Variants in ACOT7 observed in about 807,000 individuals in gnomAD.
ACOT7 encodes cytosolic acyl coenzyme A thioester hydrolase.
In ACOT7, 12 loss-of-function variants were observed where a neutral mutation model predicts 40.2. That is an observed-to-expected ratio of 0.30 (90% CI 0.19 to 0.48). The LOEUF (loss-of-function observed/expected upper bound fraction) is 0.48. Ranked by LOEUF, ACOT7 falls within the 20% of genes least tolerant of loss-of-function variation. The pLI, the probability that ACOT7 is intolerant of heterozygous loss-of-function variation, is 0.99. For missense variants in ACOT7, 395 were observed against 530.8 expected, an observed-to-expected ratio of 0.74 and a Z score of 2.51; for synonymous variants, 228 against 219.5, an observed-to-expected ratio of 1.04 and a Z score of -0.34.
intron 1 of ACOT7, among the ~76,000 whole-genome samples, chr1:6,356,120 C>G (rs1371228110): frequency 6.6e-6 from 1 of 152,306 alleles, no homozygotes; most frequent in South Asian, 2.1e-4. Flanking sequence ...TTAGGAAGGG[C>G]CCTAACCCAA....
At chr1:6,281,073 G>T in intron 8 of ACOT7, 29 bp downstream of exon 8, 1 of 1,604,052 alleles carries the variant, frequency 6.2e-7, no homozygotes, top group South Asian at 1.1e-5. Context: ...TGGCAGGGAG[G>T]GGCCGCCGTT....
At chr1:6,377,842 G>A (rs114754020) in intron 1 of ACOT7, among the ~76,000 whole-genome samples, 1,716 of 152,262 alleles carry the variant, frequency 0.011, 33 homozygotes, top group African/African-American at 0.039. Context: ...AAGCCTAGGC[G>A]GACGGATCAC....
chr1:6,363,282 C>T (rs2148467905), intron 1 of ACOT7, among the ~76,000 whole-genome samples: 1 of 152,310 alleles, frequency 6.6e-6, no homozygotes, highest in South Asian at 2.1e-4. Context: ...CGCCCGTTGC[C>T]AGGCAGACCG....
At chr1:6,387,692 G>A (rs949236095) in intron 1 of ACOT7, among the ~76,000 whole-genome samples, 19 of 152,206 alleles carry the variant, frequency 1.2e-4, no homozygotes, top group South Asian at 2.1e-4. Context: ...CAGAACTGGG[G>A]AGCCAGCTAG....
intron 6 of ACOT7, among the ~76,000 whole-genome samples, chr1:6,317,856 C>T (rs1356027068): frequency 6.6e-6 from 1 of 151,602 alleles, no homozygotes; most frequent in Non-Finnish European, 1.5e-5. Context: ...CTCAGCCTCC[C>T]GAGTAGCTGG....
At chr1:6,313,638 T>C (rs761111) in intron 6 of ACOT7, among the ~76,000 whole-genome samples, 51,567 of 152,030 alleles carry the variant, frequency 0.34, 12,956 homozygotes, top group African/African-American at 0.72. Context: ...GCTGCAATTT[T>C]CAATATGCCC....
rs367587452 is a variant in ACOT7 at position 6,339,560 on chromosome 1, G to A, written c.291C>T (p.Val97=). The change falls in exon 3 of 9, where the codon GTC becomes GTT. Residue 97 remains valine, a synonymous_variant. Coordinates refer to ENST00000361521, the MANE Select transcript of ACOT7 (RefSeq NM_007274.4). ...GERCVAALAR[V]ERTDFLSPMC... Reference sequence around the variant, plus strand: ...TGGGAGACAGGAAGTCGGTGCGCTCGACACGAGCCAGGGCGGCCACACAGC... The same window carrying A: ...TGGGAGACAGGAAGTCGGTGCGCTCAACACGAGCCAGGGCGGCCACACAGC... 7.9e-5 allele frequency: 127 copies of A among 1,613,324 alleles called. No individual in the cohort carries two copies. The highest frequency in any genetic ancestry group is 1.0e-4 in the Non-Finnish European group (121 of 1,180,006).
chr1:6,278,872 C>G lies in ACOT7; in HGVS notation c.1014+2230G>C, dbSNP rs1038270322. 6.6e-6 allele frequency among the ~76,000 whole-genome samples: 1 copy of G among 152,168 alleles called. No individual in the cohort carries two copies. The highest frequency in any genetic ancestry group is 1.5e-5 in the Non-Finnish European group (1 of 68,028). On this transcript the variant is annotated intron_variant, in intron 8 of 8. Transcript: ENST00000361521. The surrounding 1 kb of genome is among the most constrained non-coding windows in gnomAD (Gnocchi z 4.1). ...CTACAGACAGGGAGCGGACAGCAGA[C>G]AGGGCGTGTCCTTGCGTCTGTCCAT... is the stretch of plus-strand genomic sequence containing the variant.
At position 6,360,673 on chromosome 1, in the gene ACOT7, C is replaced by T. The variant is rs370552576; in HGVS notation, c.144-10807G>A. On this transcript the variant is annotated intron_variant, in intron 1 of 8. Coordinates refer to ENST00000361521, the MANE Select transcript of ACOT7 (RefSeq NM_007274.4). ...AGCATCGTCTCCCCACGTCTCCTGT[C>T]GGCTCCCTCCAGAAGCTGCAGCCAA... is the stretch of plus-strand genomic sequence containing the variant. 25 of 1,614,052 alleles carry T rather than the reference C, an allele frequency of 1.5e-5. No homozygotes were observed. In the African/African-American group the frequency reaches 2.1e-4, roughly 14 times the overall value.
In ACOT7 at chr1:6,306,411, T is replaced by G; in HGVS notation, c.713-11431A>C. On this transcript the variant is annotated intron_variant, in intron 6 of 8. Transcript: ENST00000361521. The surrounding 1 kb of genome is among the most constrained non-coding windows in gnomAD (Gnocchi z 4.3). Reference sequence around the variant, plus strand: ...CCTGGGACAGGTGCCTATAGGATGCTTGGACTGGAGTGATATGAACCCCAC... The same window carrying G: ...CCTGGGACAGGTGCCTATAGGATGCGTGGACTGGAGTGATATGAACCCCAC... The G allele has an allele frequency of 1.0e-6, 1 of 985,032 alleles. No individual in the cohort carries two copies. Among genetic ancestry groups the G allele is most frequent in the Non-Finnish European group, 1.2e-6 (1 of 829,864 alleles). 61.0% of individuals were successfully genotyped at this position (985,032 alleles called of 1,614,324 possible).
chr1:6,363,577 G>C (rs1326281936), intron 1 of ACOT7, among the ~76,000 whole-genome samples: 1 of 152,072 alleles, frequency 6.6e-6, no homozygotes, highest in African/African-American at 2.4e-5. Flanking sequence ...AAAAGTCCCT[G>C]ATATGCAGAA....
At chr1:6,347,368 T>C (rs749372691) in intron 2 of ACOT7, among the ~76,000 whole-genome samples, 2 of 152,166 alleles carry the variant, frequency 1.3e-5, no homozygotes, top group African/African-American at 4.8e-5. Context: ...GTTCGAGGTA[T>C]AGTCACAGCC....
At chr1:6,318,141 G>A (rs957773707) in intron 6 of ACOT7, among the ~76,000 whole-genome samples, 14 of 152,072 alleles carry the variant, frequency 9.2e-5, no homozygotes, top group Non-Finnish European at 1.2e-4. Context: ...CTGCAACTTC[G>A]ACCTCCTGGG....
At position 6,306,372 on chromosome 1, in the gene ACOT7, G is replaced by A. The variant is rs1000144885; in HGVS notation, c.713-11392C>T. On this transcript the variant is annotated intron_variant, in intron 6 of 8. Coordinates refer to ENST00000361521, the MANE Select transcript of ACOT7 (RefSeq NM_007274.4). This position sits in a 1 kb window ranked among gnomAD's most constrained non-coding sequence, Gnocchi z 4.3. Reference sequence around the variant, plus strand: ...CTGAGAGGAGGACCCAGTGTGGGCAGGACAAAGTGAGTTCCTGGGACAGGT... The same window carrying A: ...CTGAGAGGAGGACCCAGTGTGGGCAAGACAAAGTGAGTTCCTGGGACAGGT... 6 of 985,338 alleles carry A rather than the reference G, an allele frequency of 6.1e-6. No individual in the cohort carries two copies. In the African/African-American group the frequency reaches 8.7e-5, roughly 14 times the overall value. The allele number at this position is 985,338 out of a possible 1,614,324, so 61.0% of individuals were successfully genotyped here.
intron 1 of ACOT7, among the ~76,000 whole-genome samples, chr1:6,367,178 G>A (rs988527154): frequency 2.0e-5 from 3 of 147,760 alleles, no homozygotes; most frequent in African/African-American, 5.0e-5. Context: ...CAGCCTGGGC[G>A]ACAGAGCGAG....
At chr1:6,356,448 G>A (rs3789464) in intron 1 of ACOT7, among the ~76,000 whole-genome samples, 12,096 of 151,740 alleles carry the variant, frequency 0.08, 532 homozygotes, top group Non-Finnish European at 0.097. Context: ...CCTCAGCCCC[G>A]CTCAGCACCC....
intron 8 of ACOT7, among the ~76,000 whole-genome samples, chr1:6,276,363 C>G (rs1337414354): frequency 6.6e-6 from 1 of 152,180 alleles, no homozygotes; most frequent in East Asian, 1.9e-4. Flanking sequence ...GGCCCAAGGT[C>G]AGAGGGCACT....
intron 1 of ACOT7, among the ~76,000 whole-genome samples, chr1:6,368,196 C>G (rs1358894449): frequency 6.6e-6 from 1 of 152,164 alleles, no homozygotes; most frequent in Non-Finnish European, 1.5e-5. Flanking sequence ...CACTGGGGAC[C>G]AGACCCCTTC....
At position 6,306,511 on chromosome 1, in the gene ACOT7, G is replaced by A. The variant is rs988215363; in HGVS notation, c.713-11531C>T. 7.9e-5 allele frequency: 78 copies of A among 985,204 alleles called. No individual in the cohort carries two copies. Among genetic ancestry groups the A allele is most frequent in the African/African-American group, 8.7e-5 (5 of 57,192 alleles). 61.0% of individuals were successfully genotyped at this position (985,204 alleles called of 1,614,324 possible). A position where few individuals can be genotyped will look rare whatever the true frequency, so the allele number is the denominator to read the frequency against. ...ACCAGTCCCCACGTCCCGCTCCCCC[G>A]CTGAAGCATCAGGATGGACGTGAAG... On this transcript the variant is annotated intron_variant, in intron 6 of 8. Transcript: ENST00000361521. This position sits in a 1 kb window ranked among gnomAD's most constrained non-coding sequence, Gnocchi z 4.3.
Sources: allele counts gnomAD v4.1 joint callset (sites outside exome capture counted in the v4.1 genomes callset), GRCh38; gene constraint gnomAD v4.1.1; non-coding constraint Gnocchi (gnomAD v3.1); transcripts MANE v1.5; gene names NCBI Gene and HGNC (gene_info 2026-07-23, HGNC 2026-07-21).